COL5A1: variants seen among roughly 807,000 people sequenced by gnomAD.
The protein encoded by COL5A1 is collagen alpha-1(V) chain.
COL5A1 carries 16 observed loss-of-function variants against 263.7 expected under a neutral mutation model. The ratio of observed to expected loss-of-function variants is 0.06; its 90% CI spans 0.04 to 0.09. The LOEUF is 0.09. Ranked by LOEUF, COL5A1 falls within the 10% of genes least tolerant of loss-of-function variation. The probability of loss-of-function intolerance (pLI) is 1.00; values close to 1 mark genes in which losing one functional copy is unlikely to be tolerated. For synonymous variants in COL5A1, 1,012 were observed against 1,004.5 expected (o/e 1.01, Z -0.14); for missense variants, 2,036 against 2,540.5 (o/e 0.80, Z 4.27).
intron 35 of COL5A1, 152 bp downstream of exon 35, chr9:134,796,570 C>A: frequency 2.3e-6 from 2 of 854,530 alleles, no homozygotes; most frequent in Non-Finnish European, 3.7e-6. Flanking sequence ...GGGTGGGTCA[C>A]GCCCTGGGAG....
intron 11 of COL5A1, 94 bp from the exon 12 acceptor site, chr9:134,750,448 G>T (rs536077911): frequency 8.8e-7 from 1 of 1,133,464 alleles, no homozygotes; most frequent in Non-Finnish European, 1.3e-6. Context: ...TGCATTTCCC[G>T]GGTGGGCCGC....
At chr9:134,788,178 AG>A (rs1423943290) in intron 31 of COL5A1, among the ~76,000 whole-genome samples, 1 of 139,588 alleles carries the variant, frequency 7.2e-6, no homozygotes, top group African/African-American at 2.7e-5. Context: ...GGATGAATGG[AG>A]GGGTGGGTTT....
rs150929159 is a variant in COL5A1, at chr9:134,770,830, C to T, written c.2287-1960C>T. 8.6e-4 allele frequency among the ~76,000 whole-genome samples: 131 copies of T among 152,376 alleles called. 3 individuals carry two copies. In the East Asian group the frequency reaches 0.018, roughly 21 times the overall value. On this transcript the variant is annotated intron_variant, in intron 25 of 65. Coordinates refer to ENST00000371817, the MANE Select transcript of COL5A1 (RefSeq NM_000093.5). ...GGGAAAGCGGCCCTGCCCGGCTTTG[C>T]AGGAAAATCAGTCGTGGTTATCTTG... is the stretch of plus-strand genomic sequence containing the variant.
chr9:134,819,680 T>A (rs943185894), intron 57 of COL5A1, among the ~76,000 whole-genome samples: 11 of 152,246 alleles, frequency 7.2e-5, no homozygotes, highest in Non-Finnish European at 1.3e-4. Flanking sequence ...GATTCTTCTT[T>A]TTTTAGAAAA....
chr9:134,710,856 C>A (rs1319241837), intron 4 of COL5A1, among the ~76,000 whole-genome samples: 1 of 93,990 alleles, frequency 1.1e-5, no homozygotes, highest in African/African-American at 6.2e-5. Context: ...GGGGGAGGGG[C>A]CCCATTTAGT....
In COL5A1 at chr9:134,822,120, G is replaced by A. The variant is rs770238710; in HGVS notation, c.4578G>A (p.Pro1526=). Residue 1526 remains proline, a synonymous_variant, in exon 59 of 66, where the codon CCG becomes CCA. Transcript: ENST00000371817. ...GEQGITGPSG[P]IGPPGPPGLP... ...AGGGTATCACTGGTCCTTCTGGCCC[G>A]ATTGGGCCTCCTGGGCCCCCTGGCC... 7 of 1,560,636 alleles carry A rather than the reference G, an allele frequency of 4.5e-6. No individual in the cohort carries two copies. The highest frequency in any genetic ancestry group is 2.5e-5 in the East Asian group (1 of 39,864).
rs550756463 is a variant in COL5A1 at position 134,803,566 on chromosome 9, C to T, written c.3114+571C>T. 9.9e-3 allele frequency among the ~76,000 whole-genome samples: 1,508 copies of T among 152,260 alleles called. 11 individuals carry two copies. The highest frequency in any genetic ancestry group is 0.016 in the Non-Finnish European group (1,089 of 68,008). ...AGGAGAATCGCTTGAACCCGGGAGGCGGAGGTTGCAGTGTGCCAAGATCGT... is the reference window on the plus strand; with the variant it reads ...AGGAGAATCGCTTGAACCCGGGAGGTGGAGGTTGCAGTGTGCCAAGATCGT... On this transcript the variant is annotated intron_variant, in intron 39 of 65. Coordinates refer to ENST00000371817, the MANE Select transcript of COL5A1 (RefSeq NM_000093.5).
At chr9:134,822,573 G>A (rs1319362603) in intron 59 of COL5A1, among the ~76,000 whole-genome samples, 1 of 152,072 alleles carries the variant, frequency 6.6e-6, no homozygotes, top group Admixed American at 6.5e-5. Context: ...GCATTCCCAG[G>A]GCATCCCCAC....
intron 2 of COL5A1, 147 bp downstream of exon 2, chr9:134,691,226 T>A: frequency 9.9e-7 from 1 of 1,005,598 alleles, no homozygotes; most frequent in Non-Finnish European, 1.5e-6. Context: ...CGTTTCACTG[T>A]AGTGAAAAGG....
intron 4 of COL5A1, among the ~76,000 whole-genome samples, chr9:134,705,255 CAT>C (rs1245215433): frequency 6.7e-6 from 1 of 150,102 alleles, no homozygotes; most frequent in Non-Finnish European, 1.5e-5. Flanking sequence ...GGCCAAGACA[CAT>C]GTGTCTCCTG....
At chr9:134,816,390 C>G (rs1029914381) in intron 52 of COL5A1, among the ~76,000 whole-genome samples, 5 of 152,218 alleles carry the variant, frequency 3.3e-5, no homozygotes, top group African/African-American at 1.2e-4. Context: ...TGACGCTTGG[C>G]GTTGAGTGTT....
intron 64 of COL5A1, among the ~76,000 whole-genome samples, chr9:134,834,048 G>A (rs1287218654): frequency 1.3e-5 from 2 of 152,158 alleles, no homozygotes; most frequent in African/African-American, 4.8e-5. Context: ...CCAGGCCGAG[G>A]GAGGAGCCGT....
intron 27 of COL5A1, among the ~76,000 whole-genome samples, chr9:134,777,210 G>T (rs758471593): frequency 6.6e-6 from 1 of 152,228 alleles, no homozygotes; most frequent in African/African-American, 2.4e-5. Context: ...GCTGCTAGGG[G>T]GTTGCCAGGA....
At chr9:134,776,247 A>G (rs1837046700) in intron 27 of COL5A1, among the ~76,000 whole-genome samples, 1 of 152,240 alleles carries the variant, frequency 6.6e-6, no homozygotes, top group African/African-American at 2.4e-5. Context: ...ATAATTTAGT[A>G]GAAATGCTGA....
intron 11 of COL5A1, among the ~76,000 whole-genome samples, chr9:134,749,208 C>T (rs548007941): frequency 6.6e-6 from 1 of 152,260 alleles, no homozygotes; most frequent in African/African-American, 2.4e-5. Context: ...GCACTCCAGC[C>T]TGGGCAACAG....
chr9:134,828,728 G>C (rs1839424498), intron 63 of COL5A1, among the ~76,000 whole-genome samples: 2 of 14,736 alleles, frequency 1.4e-4, no homozygotes, highest in African/African-American at 2.5e-4. Flanking sequence ...CCACACATCA[G>C]ACACACAGAT....
chr9:134,813,812 C>T (rs549326733), intron 48 of COL5A1, among the ~76,000 whole-genome samples, 171 bp from the exon 49 acceptor site: 33 of 152,394 alleles, frequency 2.2e-4, no homozygotes, highest in South Asian at 1.7e-3. Context: ...ACATTCCTCA[C>T]GCACCTCCAA....
chr9:134,759,672 C>A (rs1164947443), intron 18 of COL5A1, among the ~76,000 whole-genome samples: 12 of 117,000 alleles, frequency 1.0e-4, no homozygotes, highest in Admixed American at 1.8e-4. Context: ...ATGCACACCC[C>A]CACACCCCCA....
intron 63 of COL5A1, among the ~76,000 whole-genome samples, chr9:134,829,492 T>C (rs1163438119): frequency 6.6e-6 from 1 of 150,908 alleles, no homozygotes; most frequent in Non-Finnish European, 1.5e-5. Flanking sequence ...GCCGGGCTCC[T>C]CACGCAGCCT....
Sources: gnomAD v4.1 joint callset for allele counts (sites outside exome capture counted in the v4.1 genomes callset) on GRCh38, gnomAD v4.1.1 for gene constraint, MANE v1.5 for transcripts, NCBI Gene and HGNC (gene_info 2026-07-23, HGNC 2026-07-21) for gene names.